The following NEBL variants were observed in gnomAD, a reference collection of about 807,000 sequenced individuals.
NEBL encodes nebulette.
A neutral mutation model predicts 140.2 loss-of-function variants in NEBL; 122 were observed. The ratio of observed to expected loss-of-function variants is 0.87; its 90% confidence interval spans 0.75 to 1.01. The LOEUF is 1.01. Ranked by LOEUF, NEBL falls within the 50% of genes least tolerant of loss-of-function variation. The pLI, the probability that NEBL is intolerant of heterozygous loss-of-function variation, is 0.00. For missense variants in NEBL, 1,365 were observed against 1,231.3 expected (o/e 1.11, Z -1.62); for synonymous variants, 436 against 398.9 (o/e 1.09, Z -1.11).
At chr10:20,808,400 A>T (rs917041829) in intron 26 of NEBL, 110 bp downstream of exon 26, 2 of 1,142,964 alleles carry the variant, frequency 1.7e-6, no homozygotes, top group African/African-American at 3.1e-5. Context: ...AAATTCTCAA[A>T]TACAGCCAGG....
chr10:21,060,553 C>A (rs1294282397), intron 2 of NEBL, among the ~76,000 whole-genome samples: 1 of 151,990 alleles, frequency 6.6e-6, no homozygotes, highest in Non-Finnish European at 1.5e-5. Flanking sequence ...AATATTTTCC[C>A]CCTCTACTGG....
In NEBL at chr10:21,264,696, T is replaced by TA. The variant is rs71392177; in HGVS notation, n.183-12869dup. 6.8e-3 allele frequency among the ~76,000 whole-genome samples: 208 copies of TA among 30,722 alleles called. 51 individuals carry two copies. Among genetic ancestry groups the TA allele is most frequent in the Non-Finnish European group, 8.7e-3 (141 of 16,220 alleles). 20.2% of individuals were successfully genotyped at this position (30,722 alleles called of 152,430 possible). On this transcript the variant is annotated intron_variant and non_coding_transcript_variant, in intron 1 of 8. Transcript: ENST00000675702. ...CCCTTAATTTGTTCCAGTTGCTATT[T>TA]AAAAAAAAAAAAAAAAAAAAAAAAA...
chr10:20,840,117 CATT>C (rs764070196), intron 13 of NEBL, among the ~76,000 whole-genome samples: 3 of 151,792 alleles, frequency 2.0e-5, no homozygotes, highest in African/African-American at 4.8e-5. Flanking sequence ...TCATCATCAT[CATT>C]ATCATCAGAG....
chr10:20,930,551 T>C (rs539652600), intron 4 of NEBL, among the ~76,000 whole-genome samples: 2 of 152,358 alleles, frequency 1.3e-5, no homozygotes, highest in East Asian at 3.9e-4. Context: ...ATCCTAGCTC[T>C]ACCATGGCCC....
At chr10:20,787,180 A>T (rs1390641263) in intron 27 of NEBL, 22 bp downstream of exon 27, 1 of 1,547,812 alleles carries the variant, frequency 6.5e-7, no homozygotes, top group South Asian at 1.1e-5. Flanking sequence ...GCTAAGGAGG[A>T]ACGTATCAAA....
At chr10:20,908,648 T>G (rs57204715) in intron 4 of NEBL, among the ~76,000 whole-genome samples, 1,748 of 152,308 alleles carry the variant, frequency 0.011, 24 homozygotes, top group African/African-American at 0.04. Context: ...AAATAAATTT[T>G]TAATTAAAAA....
intron 4 of NEBL, among the ~76,000 whole-genome samples, chr10:20,908,855 C>G (rs1021420063): frequency 1.3e-5 from 2 of 152,102 alleles, no homozygotes; most frequent in Non-Finnish European, 2.9e-5. Context: ...TCAAGGTATA[C>G]AGTTATGCCC....
intron 3 of NEBL, among the ~76,000 whole-genome samples, chr10:21,203,943 C>T (rs561934771): frequency 5.3e-5 from 8 of 152,240 alleles, no homozygotes; most frequent in East Asian, 1.9e-4. Context: ...CTTTCCCTGA[C>T]GTCAACAGCA....
intron 1 of NEBL, among the ~76,000 whole-genome samples, chr10:21,259,011 C>G (rs1350328739): frequency 6.6e-6 from 1 of 151,864 alleles, no homozygotes; most frequent in East Asian, 1.9e-4. Flanking sequence ...AAAGTGAAGG[C>G]TGAGATGATA....
chr10:21,073,767 G>C (rs1015546413), intron 2 of NEBL, among the ~76,000 whole-genome samples: 1 of 151,802 alleles, frequency 6.6e-6, no homozygotes, highest in Non-Finnish European at 1.5e-5. Flanking sequence ...AGAGAGAGGA[G>C]ATGAATGCTA....
At chr10:20,877,138 G>A (rs1845577113) in intron 5 of NEBL, among the ~76,000 whole-genome samples, 1 of 152,154 alleles carries the variant, frequency 6.6e-6, no homozygotes, top group Non-Finnish European at 1.5e-5. Context: ...GTAGAAGGAG[G>A]ACGAAATAGA....
intron 2 of NEBL, among the ~76,000 whole-genome samples, chr10:21,102,901 T>A (rs116158048): frequency 0.014 from 2,205 of 152,150 alleles, 46 homozygotes; most frequent in African/African-American, 0.05. Context: ...GAGTGTGCCA[T>A]AGCGGTTTGC....
rs552377022 is a variant in NEBL, at chr10:20,827,838, C to T, written c.1776+692G>A. ...AATGCAGGAACAGAAAACCAAATAC[C>T]GCATTTTCTCACTTATAAGTGGGAG... is the stretch of plus-strand genomic sequence containing the variant. On this transcript the variant is annotated intron_variant, in intron 17 of 27. Transcript: ENST00000377122. Among the ~76,000 whole-genome samples the T allele has an allele frequency of 1.2e-3, 176 of 152,064 alleles. 1 individual carries two copies. The highest frequency in any genetic ancestry group is 4.2e-3 in the African/African-American group (175 of 41,532).
intron 2 of NEBL, among the ~76,000 whole-genome samples, chr10:21,145,640 G>A (rs1215670005): frequency 3.3e-5 from 5 of 152,156 alleles, no homozygotes; most frequent in African/African-American, 1.2e-4. Context: ...ACTCTGTAAG[G>A]ATGAGGAAAT....
At chr10:20,803,296 A>G (rs935068583) in intron 26 of NEBL, among the ~76,000 whole-genome samples, 1 of 152,192 alleles carries the variant, frequency 6.6e-6, no homozygotes, top group Admixed American at 6.5e-5. Context: ...AATGTTCAAG[A>G]TGATGAATAT....
chr10:20,946,007 CA>C (rs1280074168), intron 4 of NEBL, among the ~76,000 whole-genome samples: 1 of 151,478 alleles, frequency 6.6e-6, no homozygotes, highest in African/African-American at 2.4e-5. Context: ...AGTGAAATAA[CA>C]AACATGAAAG....
rs78761128 is a variant in NEBL at position 21,202,391 on chromosome 10, A to G, written n.349-29914T>C. ...ACTCACCTGCGTTCTAGAAATACAC[A>G]TAACAGAACCACTGATAGAAGCTTG... On this transcript the variant is annotated intron_variant and non_coding_transcript_variant, in intron 3 of 8. Coordinates refer to the NEBL transcript ENST00000675702. Among the ~76,000 whole-genome samples, 170 of 152,012 alleles carry G rather than the reference A, an allele frequency of 1.1e-3. 1 individual carries two copies. Among genetic ancestry groups the G allele is most frequent in the African/African-American group, 4.0e-3 (165 of 41,448 alleles).
chr10:21,216,588 C>G (rs1402399486), intron 3 of NEBL, among the ~76,000 whole-genome samples: 1 of 151,972 alleles, frequency 6.6e-6, no homozygotes, highest in African/African-American at 2.4e-5. Context: ...CTGGCCAACA[C>G]AGTGAAACCC....
chr10:20,843,026 G>T (rs1343547423), intron 12 of NEBL, among the ~76,000 whole-genome samples: 1 of 151,970 alleles, frequency 6.6e-6, no homozygotes, highest in Non-Finnish European at 1.5e-5. Context: ...AAATGTTTCT[G>T]TCCCACCAAA....
Sources: allele counts gnomAD v4.1 joint callset (sites outside exome capture counted in the v4.1 genomes callset), GRCh38; gene constraint gnomAD v4.1.1; transcripts MANE v1.5; gene names NCBI Gene and HGNC (gene_info 2026-07-23, HGNC 2026-07-21).